ARMC3: variants seen among roughly 807,000 people sequenced by gnomAD.
The protein encoded by ARMC3 is armadillo repeat-containing protein 3.
In ARMC3, 74 loss-of-function variants were observed where a neutral mutation model predicts 90.3. The ratio of observed to expected loss-of-function variants is 0.82; its 90% CI spans 0.68 to 0.99. The LOEUF is 0.99. ARMC3 is among the 50% of genes least tolerant of loss of function. The pLI is 0.00. For missense variants in ARMC3, 958 were observed against 1,042.8 expected, an observed-to-expected ratio of 0.92 and a Z score of 1.12; for synonymous variants, 334 against 361.8, an observed-to-expected ratio of 0.92 and a Z score of 0.87.
chr10:23,026,863 T>C (rs1838735283), intron 16 of ARMC3, among the ~76,000 whole-genome samples: 1 of 152,232 alleles, frequency 6.6e-6, no homozygotes, highest in Non-Finnish European at 1.5e-5. Context: ...GTACCATTTG[T>C]TAAAAAGACC....
intron 2 of ARMC3, among the ~76,000 whole-genome samples, chr10:22,940,412 T>G (rs1005254565): frequency 6.6e-6 from 1 of 152,242 alleles, no homozygotes; most frequent in Admixed American, 6.5e-5. Flanking sequence ...ACTGAAGAGA[T>G]AAAAGTACTA....
intron 12 of ARMC3, among the ~76,000 whole-genome samples, chr10:23,003,029 C>T (rs530740252): frequency 5.1e-4 from 78 of 152,284 alleles, no homozygotes; most frequent in Middle Eastern, 3.4e-3. Context: ...GCATCCTTTT[C>T]CCCTGTTTGA....
At chr10:23,034,070 C>T (rs900454561) in intron 18 of ARMC3, among the ~76,000 whole-genome samples, 5 of 152,132 alleles carry the variant, frequency 3.3e-5, no homozygotes, top group Admixed American at 1.3e-4. Context: ...ATGCAGCTTA[C>T]CTCCAGTTCC....
At chr10:22,961,724 A>G (rs968845267) in intron 6 of ARMC3, 160 bp from the exon 7 acceptor site, 3 of 599,598 alleles carry the variant, frequency 5.0e-6, no homozygotes, top group African/African-American at 3.8e-5. Context: ...GATGTTGTCA[A>G]TTGAAAGATT....
rs72812454 is a variant in ARMC3 at position 22,976,330 on chromosome 10, T to C, written c.917-5010T>C. On this transcript the variant is annotated intron_variant, in intron 8 of 18. Transcript: ENST00000298032. ...TCTCCATCATTTCACCTGCTGCACC[T>C]GACTTCTGTTTCTGCCATTCTGCCA... Among the ~76,000 whole-genome samples, 817 of 152,352 alleles carry C rather than the reference T, an allele frequency of 5.4e-3. 6 individuals carry two copies. Among genetic ancestry groups the C allele is most frequent in the Middle Eastern group, 0.027 (8 of 294 alleles).
At chr10:23,005,712 G>T (rs1002932125) in intron 13 of ARMC3, among the ~76,000 whole-genome samples, 8 of 151,850 alleles carry the variant, frequency 5.3e-5, no homozygotes, top group Non-Finnish European at 8.8e-5. Flanking sequence ...AAAAATACAA[G>T]AATTAGCTGG....
chr10:22,931,349 C>T (rs1588798835), intron 1 of ARMC3, among the ~76,000 whole-genome samples: 1 of 152,280 alleles, frequency 6.6e-6, no homozygotes, highest in South Asian at 2.1e-4. Flanking sequence ...AGGAAGTAAC[C>T]TCAGTTTCCC....
At chr10:22,929,798 G>A (rs1454201843) in intron 1 of ARMC3, among the ~76,000 whole-genome samples, 5 of 152,236 alleles carry the variant, frequency 3.3e-5, no homozygotes, top group Admixed American at 6.5e-5. Context: ...TGATCCACCC[G>A]CCTCAGCCTC....
chr10:22,992,294 C>T (rs1249057671), intron 10 of ARMC3, among the ~76,000 whole-genome samples: 1 of 152,198 alleles, frequency 6.6e-6, no homozygotes, highest in Non-Finnish European at 1.5e-5. Flanking sequence ...TCATGCTGTT[C>T]TCTTTGAGAG....
intron 8 of ARMC3, among the ~76,000 whole-genome samples, chr10:22,976,751 A>C (rs1214528971): frequency 6.6e-6 from 1 of 152,200 alleles, no homozygotes; most frequent in Non-Finnish European, 1.5e-5. Flanking sequence ...GCTTCCAAGC[A>C]CATCCAACTA....
At chr10:22,964,513 C>T (rs1217925358) in intron 7 of ARMC3, among the ~76,000 whole-genome samples, 1 of 150,606 alleles carries the variant, frequency 6.6e-6, no homozygotes, top group Non-Finnish European at 1.5e-5. Flanking sequence ...GATCTCTGCT[C>T]ACTGCAATTT....
chr10:23,024,733 A>C (rs184473541), intron 16 of ARMC3, among the ~76,000 whole-genome samples: 3 of 152,174 alleles, frequency 2.0e-5, no homozygotes, highest in African/African-American at 7.2e-5. Context: ...CCTAAAAACA[A>C]TGTTCAAGTA....
rs777215659 is a variant in ARMC3 at position 22,955,801 on chromosome 10, T to A, written c.167-6T>A. Reference sequence around the variant, plus strand: ...ATGTGTGGTTTTGTTTTACGTGTGATGTCAGGTGAGGAAAATAAAACAACC... The same window carrying A: ...ATGTGTGGTTTTGTTTTACGTGTGAAGTCAGGTGAGGAAAATAAAACAACC... On this transcript the variant is annotated splice_region_variant and splice_polypyrimidine_tract_variant and intron_variant, in intron 3 of 18. Transcript: ENST00000298032. The A allele has an allele frequency of 1.7e-5, 27 of 1,613,716 alleles. No homozygotes were observed. The South Asian group carries it at 3.0e-4, about 18-fold the overall frequency.
chr10:22,948,127 G>T (rs1175682225), intron 3 of ARMC3, among the ~76,000 whole-genome samples: 1 of 152,090 alleles, frequency 6.6e-6, no homozygotes, highest in South Asian at 2.1e-4. Context: ...TTAGCAAAGG[G>T]TATAATACTC....
intron 2 of ARMC3, among the ~76,000 whole-genome samples, chr10:22,944,797 T>C (rs983741787): frequency 3.3e-5 from 5 of 152,204 alleles, no homozygotes; most frequent in Non-Finnish European, 5.9e-5. Context: ...TCATGATTAG[T>C]GTTGCAGCCA....
At chr10:22,959,265 AT>A (rs1835089943) in intron 5 of ARMC3, 127 bp downstream of exon 5, 5 of 1,315,394 alleles carry the variant, frequency 3.8e-6, no homozygotes, top group Admixed American at 4.1e-5. Context: ...CCACAGCTCA[AT>A]TTTGAGTTTA....
chr10:22,939,194 G>A (rs955278135), intron 2 of ARMC3, among the ~76,000 whole-genome samples: 1 of 152,198 alleles, frequency 6.6e-6, no homozygotes, highest in Non-Finnish European at 1.5e-5. Flanking sequence ...AAATAAAAGA[G>A]CTTCAAGAAA....
chr10:22,969,652 T>G (rs1291652788), intron 8 of ARMC3, among the ~76,000 whole-genome samples: 1 of 152,224 alleles, frequency 6.6e-6, no homozygotes, highest in East Asian at 1.9e-4. Flanking sequence ...TTACCCAGTA[T>G]TCTATCAAAT....
chr10:22,975,750 CT>C (rs528115747), intron 8 of ARMC3, among the ~76,000 whole-genome samples: 13 of 152,260 alleles, frequency 8.5e-5, no homozygotes, highest in Admixed American at 3.9e-4. Context: ...ACAGGCAAGC[CT>C]TTTGATCTCC....
Sources: allele counts gnomAD v4.1 joint callset (sites outside exome capture counted in the v4.1 genomes callset), GRCh38; gene constraint gnomAD v4.1.1; transcripts MANE v1.5; gene names NCBI Gene and HGNC (gene_info 2026-07-23, HGNC 2026-07-21).